The following NOS2 variants were observed in gnomAD, a reference collection of about 807,000 sequenced individuals.
NOS2 encodes the protein nitric oxide synthase 2, also known as nitric oxide synthase, inducible.
Under a neutral mutation model 136.0 loss-of-function variants are expected in NOS2, and 96 were observed. That is an observed-to-expected ratio of 0.71 (90% CI 0.60 to 0.84). The LOEUF (loss-of-function observed/expected upper bound fraction) is 0.84, where lower values mean the gene tolerates loss of function less well. Among genes scored for constraint, NOS2 ranks in the 40% least tolerant of loss-of-function variants. The probability of loss-of-function intolerance (pLI) is 0.00; values close to 1 mark genes in which losing one functional copy is unlikely to be tolerated. For synonymous variants in NOS2, 539 were observed against 587.5 expected, an observed-to-expected ratio of 0.92 and a Z score of 1.20; for missense variants, 1,237 against 1,496.9, an observed-to-expected ratio of 0.83 and a Z score of 2.87.
chr17:27,780,980 C>A (rs1312483444), intron 8 of NOS2, 56 bp downstream of exon 8: 1 of 1,600,474 alleles, frequency 6.2e-7, no homozygotes, highest in African/African-American at 1.3e-5. Context: ...CTCTGTCACT[C>A]GCTCACCACG....
At chr17:27,780,304 T>A (rs145421227) in intron 9 of NOS2, among the ~76,000 whole-genome samples, 2 of 152,242 alleles carry the variant, frequency 1.3e-5, no homozygotes, top group East Asian at 3.9e-4. Flanking sequence ...ACAGAGTAAA[T>A]CTCAATACGC....
chr17:27,780,921 G>C lies in NOS2; in HGVS notation c.865-15C>G. On this transcript the variant is annotated splice_polypyrimidine_tract_variant and intron_variant, in intron 8 of 26. Coordinates refer to ENST00000313735, the MANE Select transcript of NOS2 (RefSeq NM_000625.4). ...TCGATGCACAGCTGGGGAACAAGAC[G>C]GGCCCTGTGAGTCTGTAAGCCCGGG... 1 of 1,607,848 alleles carries C rather than the reference G, an allele frequency of 6.2e-7. No individual in the cohort carries two copies. Among genetic ancestry groups the C allele is most frequent in the Non-Finnish European group, 8.5e-7 (1 of 1,176,616 alleles).
intron 5 of NOS2, among the ~76,000 whole-genome samples, chr17:27,785,171 G>A (rs1410181870): frequency 1.3e-5 from 2 of 152,054 alleles, no homozygotes; most frequent in African/African-American, 4.8e-5. Flanking sequence ...TTTGAGCAAG[G>A]TACATCTCTT....
intron 5 of NOS2, among the ~76,000 whole-genome samples, chr17:27,785,242 G>A (rs1299047718): frequency 6.6e-6 from 1 of 152,166 alleles, no homozygotes; most frequent in South Asian, 2.1e-4. Context: ...ATCTCATAGT[G>A]TCATGGTGCA....
At chr17:27,789,567 G>T in intron 3 of NOS2, 37 bp downstream of exon 3, 4 of 1,493,524 alleles carry the variant, frequency 2.7e-6, no homozygotes, top group South Asian at 1.1e-5. Context: ...CTGGACCAGG[G>T]AGGAAGGGGC....
intron 2 of NOS2, among the ~76,000 whole-genome samples, chr17:27,794,372 G>T (rs897826352): frequency 6.6e-6 from 1 of 152,220 alleles, no homozygotes; most frequent in Non-Finnish European, 1.5e-5. Context: ...GTGCCTTGCA[G>T]GCCCCTTGTC....
rs1404228541 is a variant in NOS2, at chr17:27,761,173, G to A, written c.2859C>T (p.Pro953=). 1.9e-6 allele frequency: 3 copies of A among 1,608,626 alleles called. No homozygotes were observed. In the East Asian group the frequency reaches 6.7e-5, roughly 36 times the overall value. ...VCSTWLNSLK[P]QDPVPCFVRN... ...GCACAAAGCAGGGCACTGGGTCTTG[G>A]GGCTTCAGGCTGTTGAGCCATGTGC... The change falls in exon 23 of 27, where the codon CCC becomes CCT. Residue 953 remains proline (P), a synonymous_variant. Transcript: ENST00000313735.
Position 27,774,338 on chromosome 17 carries a change from G to C in NOS2, c.1395C>G (p.Val465=), listed in dbSNP as rs774573636. ...GGGTGATGCTCCCAGACATGGGAGG[G>C]ACCAGCCAAATCCAGTCTGCCGGGC... is the stretch of plus-strand genomic sequence containing the variant. The part of the protein sequence containing the change: ...GGCPADWIWL[V]PPMSGSITPV... The change falls in exon 12 of 27, where the codon GTC becomes GTG. Residue 465 remains valine, a synonymous_variant. Transcript: ENST00000313735. The C allele has an allele frequency of 1.3e-6, 2 of 1,586,516 alleles. No individual in the cohort carries two copies. Among genetic ancestry groups the C allele is most frequent in the Admixed American group, 3.6e-5 (2 of 55,928 alleles).
chr17:27,758,082 C>G (rs7208775), intron 26 of NOS2, among the ~76,000 whole-genome samples: 6,182 of 152,256 alleles, frequency 0.041, 277 homozygotes, highest in East Asian at 0.19. Context: ...AAGCACTACA[C>G]CTCTTTCTTG....
At chr17:27,794,535 C>T (rs1217535775) in intron 2 of NOS2, among the ~76,000 whole-genome samples, 1 of 152,206 alleles carries the variant, frequency 6.6e-6, no homozygotes, top group African/African-American at 2.4e-5. Context: ...TATGCAAGCA[C>T]ATTAAATCCC....
At chr17:27,787,914 C>T in intron 4 of NOS2, 88 bp from the exon 5 acceptor site, 1 of 1,414,218 alleles carries the variant, frequency 7.1e-7, no homozygotes, top group Non-Finnish European at 9.6e-7. Context: ...CACCTGGCTC[C>T]TCTCTGGCTG....
At chr17:27,771,685 C>T (rs1336082455) in intron 14 of NOS2, among the ~76,000 whole-genome samples, 2 of 152,258 alleles carry the variant, frequency 1.3e-5, no homozygotes, top group African/African-American at 2.4e-5. Flanking sequence ...CCCTGGAAAA[C>T]CCATCAACCT....
chr17:27,782,807 G>T, intron 6 of NOS2, 137 bp downstream of exon 6: 1 of 801,964 alleles, frequency 1.2e-6, no homozygotes, highest in Non-Finnish European at 1.9e-6. Flanking sequence ...CTCAACATTT[G>T]GGAATGTAAG....
chr17:27,789,255 C>T (rs1290057713), intron 3 of NOS2, among the ~76,000 whole-genome samples: 1 of 152,184 alleles, frequency 6.6e-6, no homozygotes, highest in Non-Finnish European at 1.5e-5. Context: ...AGAAAGGCAC[C>T]ACTGCATTCC....
At position 27,760,517 on chromosome 17, in the gene NOS2, C is replaced by A. The variant is rs1035654896; in HGVS notation, c.3010+106G>T. On this transcript the variant is annotated intron_variant, in intron 24 of 26. Transcript: ENST00000313735. ...CGCACAGGGAAGCAAACTTGGGAGG[C>A]CTTCCCTCGAGAGAGGTCAGGAACC... The A allele has an allele frequency of 2.6e-5, 38 of 1,454,618 alleles. No individual in the cohort carries two copies. The Admixed American group carries it at 7.7e-4, about 30-fold the overall frequency. 90.1% of individuals were successfully genotyped at this position (1,454,618 alleles called of 1,614,324 possible). A position where few individuals can be genotyped will look rare whatever the true frequency, so the allele number is the denominator to read the frequency against.
intron 11 of NOS2, among the ~76,000 whole-genome samples, chr17:27,775,018 C>T (rs1908617208): frequency 6.6e-6 from 1 of 152,270 alleles, no homozygotes; most frequent in Non-Finnish European, 1.5e-5. Context: ...TCCAGCAAGG[C>T]AGCCACTGGC....
intron 20 of NOS2, among the ~76,000 whole-genome samples, 175 bp downstream of exon 20, chr17:27,765,360 A>G (rs1908263098): frequency 1.3e-5 from 2 of 152,348 alleles, no homozygotes; most frequent in Middle Eastern, 3.4e-3. Flanking sequence ...CCAGGGGGCC[A>G]TGCCTTATGG....
intron 20 of NOS2, 78 bp downstream of exon 20, chr17:27,765,457 G>A (rs1567634064): frequency 1.5e-6 from 2 of 1,354,224 alleles, no homozygotes; most frequent in African/African-American, 1.5e-5. Context: ...GTCACCGGCA[G>A]GCCCAGGCTC....
At chr17:27,761,759 C>T (rs1908137970) in intron 22 of NOS2, among the ~76,000 whole-genome samples, 1 of 152,114 alleles carries the variant, frequency 6.6e-6, no homozygotes, top group Non-Finnish European at 1.5e-5. Flanking sequence ...CTCAGTGGGC[C>T]CTCCTGGGCT....
Sources: allele counts gnomAD v4.1 joint callset (sites outside exome capture counted in the v4.1 genomes callset), GRCh38; gene constraint gnomAD v4.1.1; transcripts MANE v1.5; gene names NCBI Gene and HGNC (gene_info 2026-07-23, HGNC 2026-07-21).